The following GPC5 variants were observed in gnomAD, a reference collection of about 807,000 sequenced individuals.
The protein encoded by GPC5 is glypican-5.
In GPC5, 47 loss-of-function variants were observed where a neutral mutation model predicts 53.9. That is an observed-to-expected ratio of 0.87 (90% confidence interval 0.69 to 1.11). The LOEUF (loss-of-function observed/expected upper bound fraction) is 1.11. Ranked by LOEUF, GPC5 falls within the 50% of genes most tolerant of loss-of-function variation. The pLI is 0.00. For synonymous variants in GPC5, 286 were observed against 263.3 expected (o/e 1.09, Z -0.84); for missense variants, 748 against 713.1 (o/e 1.05, Z -0.56).
chr13:92,703,503 C>T (rs1331541419), intron 7 of GPC5, among the ~76,000 whole-genome samples: 1 of 151,204 alleles, frequency 6.6e-6, no homozygotes, highest in African/African-American at 2.4e-5. Flanking sequence ...ATATAGAACT[C>T]TTTGAATCTG....
chr13:92,473,812 G>A (rs1177401161), intron 7 of GPC5, among the ~76,000 whole-genome samples: 1 of 152,036 alleles, frequency 6.6e-6, no homozygotes, highest in Non-Finnish European at 1.5e-5. Context: ...GAAATGGCCA[G>A]GAAAAAATTA....
At chr13:92,230,710 T>C (rs1447816233) in intron 7 of GPC5, among the ~76,000 whole-genome samples, 1 of 152,144 alleles carries the variant, frequency 6.6e-6, no homozygotes, top group African/African-American at 2.4e-5. Flanking sequence ...TTTAAAAATT[T>C]ACATAAATAT....
At chr13:92,095,601 C>A (rs1387463332) in intron 6 of GPC5, among the ~76,000 whole-genome samples, 1 of 152,168 alleles carries the variant, frequency 6.6e-6, no homozygotes, top group East Asian at 1.9e-4. Context: ...ACGGAACCAT[C>A]TCGGCTCACT....
At chr13:92,057,560 G>T (rs1022485989) in intron 6 of GPC5, among the ~76,000 whole-genome samples, 2 of 145,278 alleles carry the variant, frequency 1.4e-5, no homozygotes, top group Non-Finnish European at 3.0e-5. Context: ...TTTTTGTGAT[G>T]CATCCAGAAG....
rs552050650 is a variant in GPC5, at chr13:91,757,377, A to G, written c.1280+957A>G. Among the ~76,000 whole-genome samples the G allele has an allele frequency of 2.0e-5, 3 of 152,220 alleles. No individual in the cohort carries two copies. In the South Asian group the frequency reaches 6.2e-4, roughly 32 times the overall value. ...ATTTTTGAGCAGTCTCCAAAATGAA[A>G]GATAGGGTGTTAAGCTTTCTGACAG... On this transcript the variant is annotated intron_variant, in intron 5 of 7. Transcript: ENST00000377067.
chr13:91,937,337 A>T (rs2039880625), intron 6 of GPC5, among the ~76,000 whole-genome samples: 1 of 152,088 alleles, frequency 6.6e-6, no homozygotes, highest in African/African-American at 2.4e-5. Flanking sequence ...GAAAATGTTA[A>T]AAGTATATTG....
intron 1 of GPC5, among the ~76,000 whole-genome samples, chr13:91,412,277 C>G (rs761835941): frequency 1.3e-5 from 2 of 152,244 alleles, no homozygotes; most frequent in Non-Finnish European, 2.9e-5. Context: ...CAGCCTATTT[C>G]TGTTCTTAGC....
At chr13:92,741,447 C>T (rs542749743) in intron 7 of GPC5, among the ~76,000 whole-genome samples, 3 of 151,944 alleles carry the variant, frequency 2.0e-5, no homozygotes, top group Admixed American at 2.0e-4. Context: ...TCAAACTTGG[C>T]CTTCTCAGCC....
chr13:92,718,865 T>G (rs1357172247), intron 7 of GPC5, among the ~76,000 whole-genome samples: 2 of 146,080 alleles, frequency 1.4e-5, no homozygotes, highest in Non-Finnish European at 1.5e-5. Flanking sequence ...CACTCCAGCT[T>G]GGGCAACAGA....
intron 7 of GPC5, among the ~76,000 whole-genome samples, chr13:92,621,161 C>G (rs1365804668): frequency 6.6e-6 from 1 of 152,106 alleles, no homozygotes; most frequent in East Asian, 1.9e-4. Context: ...GAAAAGATAA[C>G]GTTTTATGTA....
chr13:92,287,135 GT>G (rs1566520695), intron 7 of GPC5, among the ~76,000 whole-genome samples: 1 of 152,090 alleles, frequency 6.6e-6, no homozygotes, highest in Admixed American at 6.5e-5. Flanking sequence ...CTCATTAACT[GT>G]TTAAGTGTGT....
chr13:92,143,088 A>G (rs1388985601), intron 6 of GPC5, among the ~76,000 whole-genome samples: 1 of 152,134 alleles, frequency 6.6e-6, no homozygotes, highest in Non-Finnish European at 1.5e-5. Context: ...TTCTCACAAT[A>G]TGAGCAATGG....
intron 2 of GPC5, among the ~76,000 whole-genome samples, chr13:91,621,957 C>T (rs1293673438): frequency 6.6e-6 from 1 of 151,744 alleles, no homozygotes; most frequent in East Asian, 1.9e-4. Context: ...AGAGCCCCCT[C>T]GAAAATCACT....
intron 5 of GPC5, among the ~76,000 whole-genome samples, chr13:91,829,316 A>G (rs137989599): frequency 6.6e-6 from 1 of 152,196 alleles, no homozygotes; most frequent in East Asian, 1.9e-4. Flanking sequence ...GACACAATTC[A>G]TATTAGAGAC....
chr13:91,686,749 C>G (rs1337451044), intron 2 of GPC5, among the ~76,000 whole-genome samples: 4 of 151,962 alleles, frequency 2.6e-5, no homozygotes, highest in Admixed American at 1.3e-4. Flanking sequence ...TTAAAATGAT[C>G]TACCTACCTA....
intron 6 of GPC5, among the ~76,000 whole-genome samples, chr13:92,007,732 C>T (rs1206337710): frequency 6.6e-6 from 1 of 152,144 alleles, no homozygotes; most frequent in Non-Finnish European, 1.5e-5. Context: ...AGTTCTCCTA[C>T]TTGCTTTCCA....
chr13:92,258,137 C>T (rs527271598), intron 7 of GPC5, among the ~76,000 whole-genome samples: 1 of 152,042 alleles, frequency 6.6e-6, no homozygotes, highest in African/African-American at 2.4e-5. Context: ...TTTTTAAGAC[C>T]TAAATGCCTA....
intron 7 of GPC5, among the ~76,000 whole-genome samples, chr13:92,153,703 A>G (rs188047633): frequency 5.9e-5 from 9 of 152,334 alleles, no homozygotes; most frequent in African/African-American, 2.2e-4. Flanking sequence ...TTGCAAAGCA[A>G]TTGTACCAAT....
chr13:91,754,452 G>A (rs377703008), intron 4 of GPC5, among the ~76,000 whole-genome samples: 1 of 152,074 alleles, frequency 6.6e-6, no homozygotes, highest in African/African-American at 2.4e-5. Context: ...GATTTTGAAG[G>A]GAGAAATGAA....
Sources: allele counts gnomAD v4.1 joint callset (sites outside exome capture counted in the v4.1 genomes callset), GRCh38; gene constraint gnomAD v4.1.1; transcripts MANE v1.5; gene names NCBI Gene and HGNC (gene_info 2026-07-23, HGNC 2026-07-21).